Variants in CNTNAP2 observed in about 807,000 individuals in gnomAD.
The protein encoded by CNTNAP2 is contactin associated protein 2.
A neutral mutation model predicts 155.2 loss-of-function variants in CNTNAP2; 98 were observed. That is an observed-to-expected ratio of 0.63 (90% confidence interval 0.54 to 0.75). The LOEUF is 0.75. CNTNAP2 is among the 30% of genes least tolerant of loss of function. The pLI is 0.00. For synonymous variants in CNTNAP2, 651 were observed against 631.2 expected, an observed-to-expected ratio of 1.03 and a Z score of -0.47; for missense variants, 1,727 against 1,688.1, an observed-to-expected ratio of 1.02 and a Z score of -0.40.
rs533559399 is a variant in CNTNAP2, at chr7:146,163,183, C to G, written c.97+46210C>G. ...ATAAAAAAATTAAAAATAAAAATAACATTAAAGCAATTGAATGTACATAAT... is the reference window on the plus strand; with the variant it reads ...ATAAAAAAATTAAAAATAAAAATAAGATTAAAGCAATTGAATGTACATAAT... On this transcript the variant is annotated intron_variant, in intron 1 of 23. Transcript: ENST00000361727. Among the ~76,000 whole-genome samples the G allele has an allele frequency of 2.6e-5, 4 of 152,008 alleles. No individual in the cohort carries two copies. The East Asian group carries it at 7.7e-4, about 29-fold the overall frequency.
At chr7:146,459,552 A>G (rs946428568) in intron 1 of CNTNAP2, among the ~76,000 whole-genome samples, 2 of 152,220 alleles carry the variant, frequency 1.3e-5, no homozygotes, top group Non-Finnish European at 2.9e-5. Context: ...TATAAAGTGC[A>G]TGGAGTGTCA....
chr7:146,627,081 C>T (rs976878357), intron 1 of CNTNAP2, among the ~76,000 whole-genome samples: 6 of 152,050 alleles, frequency 3.9e-5, no homozygotes, highest in Non-Finnish European at 5.9e-5. Context: ...TGACAGAAGG[C>T]CAGGAGGAGC....
chr7:148,243,333 G>C (rs939489265), intron 20 of CNTNAP2, among the ~76,000 whole-genome samples: 5 of 152,188 alleles, frequency 3.3e-5, no homozygotes, highest in Non-Finnish European at 7.3e-5. Flanking sequence ...CCAACATCCT[G>C]ACCATCTCTG....
intron 1 of CNTNAP2, among the ~76,000 whole-genome samples, chr7:146,171,789 A>G (rs893249668): frequency 6.6e-6 from 1 of 152,090 alleles, no homozygotes; most frequent in African/African-American, 2.4e-5. Flanking sequence ...TGAAATGAAC[A>G]TCATATATTT....
intron 20 of CNTNAP2, among the ~76,000 whole-genome samples, chr7:148,250,517 C>T (rs773370705): frequency 6.6e-6 from 1 of 152,204 alleles, no homozygotes; most frequent in Non-Finnish European, 1.5e-5. Context: ...ACTACAGATT[C>T]CTTCCCACAC....
chr7:146,594,575 C>T lies in CNTNAP2; in HGVS notation c.98-179696C>T, dbSNP rs944313334. Among the ~76,000 whole-genome samples the T allele has an allele frequency of 2.0e-5, 3 of 151,976 alleles. No individual in the cohort carries two copies. In the South Asian group the frequency reaches 6.2e-4, roughly 32 times the overall value. ...TCTCAAAAACTTACAAATCATCTGG[C>T]TTTTAGGAGGTGATTTGTACACAAA... On this transcript the variant is annotated intron_variant, in intron 1 of 23. Transcript: ENST00000361727.
intron 1 of CNTNAP2, among the ~76,000 whole-genome samples, chr7:146,353,723 T>A (rs1012647149): frequency 6.6e-6 from 1 of 152,078 alleles, no homozygotes; most frequent in African/African-American, 2.4e-5. Flanking sequence ...TCCATACACC[T>A]GACAAAGGTA....
chr7:146,375,881 A>G (rs1268629154), intron 1 of CNTNAP2, among the ~76,000 whole-genome samples: 2 of 152,102 alleles, frequency 1.3e-5, no homozygotes, highest in Non-Finnish European at 2.9e-5. Flanking sequence ...TCCCTTCATC[A>G]CTGTATGCCA....
At chr7:147,022,392 A>G (rs1035451331) in intron 3 of CNTNAP2, among the ~76,000 whole-genome samples, 3 of 152,026 alleles carry the variant, frequency 2.0e-5, no homozygotes, top group Non-Finnish European at 4.4e-5. Flanking sequence ...CTGCTTCTCC[A>G]TATTCATTTT....
chr7:146,184,937 C>T (rs1327719045), intron 1 of CNTNAP2, among the ~76,000 whole-genome samples: 1 of 152,080 alleles, frequency 6.6e-6, no homozygotes, highest in Admixed American at 6.6e-5. Flanking sequence ...TCTCTCTTTC[C>T]CTCCATATTC....
At chr7:148,286,724 T>TAAAAC (rs1797090340) in intron 21 of CNTNAP2, among the ~76,000 whole-genome samples, 1 of 152,196 alleles carries the variant, frequency 6.6e-6, no homozygotes, top group South Asian at 2.1e-4. Context: ...GCCTTGCAAA[T>TAAAAC]AAAACACTAT....
intron 13 of CNTNAP2, among the ~76,000 whole-genome samples, chr7:147,761,202 C>A (rs1797293748): frequency 6.6e-6 from 1 of 152,162 alleles, no homozygotes; most frequent in African/African-American, 2.4e-5. Flanking sequence ...AATGTTTTGT[C>A]TCTTAGAATA....
At chr7:148,273,662 G>A (rs971054727) in intron 21 of CNTNAP2, among the ~76,000 whole-genome samples, 12 of 152,142 alleles carry the variant, frequency 7.9e-5, no homozygotes, top group Admixed American at 2.6e-4. Flanking sequence ...ATGCAGTGTC[G>A]TTGTTGCTTG....
intron 9 of CNTNAP2, among the ~76,000 whole-genome samples, chr7:147,321,692 G>C (rs1795355467): frequency 6.6e-6 from 1 of 152,152 alleles, no homozygotes; most frequent in South Asian, 2.1e-4. Flanking sequence ...GAAAGTCTCA[G>C]TTGGCACCTA....
chr7:146,370,260 TA>T (rs34996621), intron 1 of CNTNAP2, among the ~76,000 whole-genome samples: 6,595 of 87,416 alleles, frequency 0.075, 255 homozygotes, highest in African/African-American at 0.11. Flanking sequence ...ATCTCTACTT[TA>T]AAAAAAAAAA....
chr7:147,609,529 T>A (rs1801141542), intron 12 of CNTNAP2, among the ~76,000 whole-genome samples: 1 of 151,936 alleles, frequency 6.6e-6, no homozygotes, highest in Admixed American at 6.6e-5. Context: ...AGACTCTGTC[T>A]CAATTAATTA....
intron 9 of CNTNAP2, among the ~76,000 whole-genome samples, chr7:147,378,318 A>G (rs933333917): frequency 1.3e-5 from 2 of 152,134 alleles, no homozygotes; most frequent in South Asian, 2.1e-4. Flanking sequence ...TAATAGGTCT[A>G]TATATTTATG....
rs762318460 is a variant in CNTNAP2, at chr7:146,794,713, C to T, written c.208+20332C>T. On this transcript the variant is annotated intron_variant, in intron 2 of 23. Coordinates refer to ENST00000361727, the MANE Select transcript of CNTNAP2 (RefSeq NM_014141.6). ...TCATAATGAGGTACTAACTATGATA[C>T]GAATGCTCCAAAGCTGTCAAACCAC... 3.2e-4 allele frequency among the ~76,000 whole-genome samples: 48 copies of T among 152,016 alleles called. 1 individual carries two copies. Among genetic ancestry groups the T allele is most frequent in the Admixed American group, 2.6e-4 (4 of 15,262 alleles).
At chr7:147,663,987 C>T (rs995621451) in intron 13 of CNTNAP2, among the ~76,000 whole-genome samples, 1 of 152,116 alleles carries the variant, frequency 6.6e-6, no homozygotes, top group Non-Finnish European at 1.5e-5. Context: ...AAAATAAAAA[C>T]AAAGTTCAAT....
Sources: allele counts gnomAD v4.1 joint callset (sites outside exome capture counted in the v4.1 genomes callset), GRCh38; gene constraint gnomAD v4.1.1; transcripts MANE v1.5; gene names NCBI Gene and HGNC (gene_info 2026-07-23, HGNC 2026-07-21).